PKHD1L1: variants seen among roughly 807,000 people sequenced by gnomAD.
PKHD1L1 encodes the protein fibrocystin-L.
PKHD1L1 carries 434 observed loss-of-function variants against 462.9 expected under a neutral mutation model. That is an observed-to-expected ratio of 0.94 (90% CI 0.87 to 1.02). The LOEUF is 1.02. PKHD1L1 is among the 50% of genes least tolerant of loss of function. The pLI is 0.00. For synonymous variants in PKHD1L1, 1,781 were observed against 1,750.0 expected, an observed-to-expected ratio of 1.02 and a Z score of -0.44; for missense variants, 5,202 against 5,096.1, an observed-to-expected ratio of 1.02 and a Z score of -0.63.
At position 109,504,327 on chromosome 8, in the gene PKHD1L1, G is replaced by T. The variant is rs1445313168; in HGVS notation, c.10829G>T (p.Gly3610Val). Residue 3610 changes from glycine to valine, a missense_variant and splice_region_variant, in exon 68 of 78, where the codon GGT (glycine) becomes GTT (valine). Physicochemically the swap from Gly to Val is moderately radical, Grantham distance 109 (BLOSUM62 -3). Coordinates refer to ENST00000378402, the MANE Select transcript of PKHD1L1 (RefSeq NM_177531.6). ...NAISGLLDISGSTFVGFKNVC... is the reference protein window; with the variant it reads ...NAISGLLDISVSTFVGFKNVC... Reference sequence around the variant, plus strand: ...CACTTATCTATTATTTATGTTTTAGGTTCAACATTTGTTGGATTTAAGAAT... The same window carrying T: ...CACTTATCTATTATTTATGTTTTAGTTTCAACATTTGTTGGATTTAAGAAT... The T allele has an allele frequency of 7.1e-7, 1 of 1,409,046 alleles. No homozygotes were observed. The highest frequency in any genetic ancestry group is 9.5e-7 in the Non-Finnish European group (1 of 1,049,138). 87.3% of individuals were successfully genotyped at this position (1,409,046 alleles called of 1,614,324 possible). A position where few individuals can be genotyped will look rare whatever the true frequency, so the allele number is the denominator to read the frequency against.
Position 109,421,302 on chromosome 8 carries a change from A to G in PKHD1L1, c.2697+612A>G, listed in dbSNP as rs552123444. Among the ~76,000 whole-genome samples the G allele has an allele frequency of 2.2e-3, 338 of 152,226 alleles. 1 individual carries two copies. Among genetic ancestry groups the G allele is most frequent in the South Asian group, 4.1e-3 (20 of 4,828 alleles). ...GATTAAATAATCATTAACCATTGTA[A>G]TTGGATTAGAGCCTCACAGAAAATT... On this transcript the variant is annotated intron_variant, in intron 23 of 77. Coordinates refer to ENST00000378402, the MANE Select transcript of PKHD1L1 (RefSeq NM_177531.6).
intron 21 of PKHD1L1, among the ~76,000 whole-genome samples, chr8:109,414,409 T>C (rs150518770): frequency 6.6e-6 from 1 of 152,164 alleles, no homozygotes; most frequent in Non-Finnish European, 1.5e-5. Flanking sequence ...CTCTCTACAA[T>C]TGTAGAAGTT....
At position 109,527,111 on chromosome 8, in the gene PKHD1L1, A is replaced by T. The variant is rs138966047; in HGVS notation, c.12721+91A>T. On this transcript the variant is annotated intron_variant, in intron 77 of 77. Transcript: ENST00000378402. ...GCTGTGTGCACAGCTCTTGTGCATGATATCACTGTGTGCACAAAGAGAAAG... is the reference window on the plus strand; with the variant it reads ...GCTGTGTGCACAGCTCTTGTGCATGTTATCACTGTGTGCACAAAGAGAAAG... 4.6e-4 allele frequency: 498 copies of T among 1,078,104 alleles called. 7 individuals are homozygous for T. In the East Asian group the frequency reaches 0.011, roughly 24 times the overall value. 66.8% of individuals were successfully genotyped at this position (1,078,104 alleles called of 1,614,324 possible). A position where few individuals can be genotyped will look rare whatever the true frequency, so the allele number is the denominator to read the frequency against.
rs1394413527 is a variant in PKHD1L1, at chr8:109,474,585, T to A, written c.8606-533T>A. Among the ~76,000 whole-genome samples the A allele has an allele frequency of 2.0e-5, 3 of 152,126 alleles. No individual in the cohort carries two copies. The South Asian group carries it at 6.2e-4, about 31-fold the overall frequency. On this transcript the variant is annotated intron_variant, in intron 50 of 77. Transcript: ENST00000378402. ...AAAGTCAAACAAAATTATTTACTAG[T>A]AAACATTAATATGTGTTGTACAGAT...
Position 109,534,667 on chromosome 8 carries a change from C to T in PKHD1L1, c.*4577C>T, listed in dbSNP as rs533425296. ...GATTTATTCCCCCAATTTCCCCTCCCCAGAGAGTAGCTACAGACACACTGT... is the reference window on the plus strand; with the variant it reads ...GATTTATTCCCCCAATTTCCCCTCCTCAGAGAGTAGCTACAGACACACTGT... On this transcript the variant is annotated 3_prime_UTR_variant, in exon 78 of 78. Coordinates refer to ENST00000378402, the MANE Select transcript of PKHD1L1 (RefSeq NM_177531.6). 3.0e-4 allele frequency among the ~76,000 whole-genome samples: 45 copies of T among 152,206 alleles called. No homozygotes were observed. The highest frequency in any genetic ancestry group is 1.1e-3 in the African/African-American group (45 of 41,544).
intron 20 of PKHD1L1, among the ~76,000 whole-genome samples, chr8:109,413,193 G>T (rs905496886): frequency 8.5e-5 from 13 of 152,052 alleles, no homozygotes; most frequent in African/African-American, 2.9e-4. Flanking sequence ...AAGAAATAGA[G>T]AATTATAATT....
At chr8:109,493,243 C>T (rs1229783156) in intron 62 of PKHD1L1, among the ~76,000 whole-genome samples, 1 of 148,082 alleles carries the variant, frequency 6.8e-6, no homozygotes, top group Non-Finnish European at 1.5e-5. Context: ...TTATATTAAA[C>T]ATATATAAAT....
At chr8:109,489,021 G>A (rs1270825409) in intron 59 of PKHD1L1, among the ~76,000 whole-genome samples, 2 of 151,840 alleles carry the variant, frequency 1.3e-5, no homozygotes, top group African/African-American at 2.4e-5. Flanking sequence ...GTTTTGTGAC[G>A]TGAGTAAAGA....
chr8:109,448,452 C>A (rs1305580015), intron 39 of PKHD1L1, 61 bp downstream of exon 39: 4 of 1,436,986 alleles, frequency 2.8e-6, no homozygotes, highest in Non-Finnish European at 3.7e-6. Context: ...TATTTAGAAA[C>A]CTTATTTAGA....
intron 62 of PKHD1L1, among the ~76,000 whole-genome samples, chr8:109,493,291 T>A (rs1314190512): frequency 2.0e-5 from 3 of 150,546 alleles, no homozygotes; most frequent in African/African-American, 7.3e-5. Context: ...TTTTCAGTGA[T>A]CACAACTTCC....
chr8:109,412,177 T>A (rs1813890102), intron 19 of PKHD1L1, 88 bp from the exon 20 acceptor site: 4 of 1,362,950 alleles, frequency 2.9e-6, no homozygotes. Context: ...GGGATCTGGG[T>A]TGAACCTTGA....
At chr8:109,419,575 C>T (rs865813327) in intron 22 of PKHD1L1, among the ~76,000 whole-genome samples, 3 of 152,232 alleles carry the variant, frequency 2.0e-5, no homozygotes, top group Non-Finnish European at 4.4e-5. Context: ...GAGAAACCAA[C>T]TACCATGAGA....
chr8:109,429,989 T>C lies in PKHD1L1; in HGVS notation c.3181T>C (p.Trp1061Arg), dbSNP rs747396587. 8 of 1,611,432 alleles carry C rather than the reference T, an allele frequency of 5.0e-6. No homozygotes were observed. The South Asian group carries it at 5.5e-5, about 11-fold the overall frequency. The part of the protein sequence containing the change: ...AKCSGDCGFT[W>R]DSNITPLVLA... ...ATGTTCAGGTGACTGTGGATTTACA[T>C]GGGATTCCAACATTACTCCCCTAGT... Residue 1061 changes from tryptophan (W) to arginine (R), a missense_variant, in exon 27 of 78, where the codon TGG becomes CGG. Physicochemically the swap from Trp to Arg is moderately radical, Grantham distance 101. Coordinates refer to ENST00000378402, the MANE Select transcript of PKHD1L1 (RefSeq NM_177531.6).
rs1189106748 is a variant in PKHD1L1 at position 109,523,503 on chromosome 8, A to G, written c.12484+117A>G. The G allele has an allele frequency of 7.8e-6, 8 of 1,025,458 alleles. No individual in the cohort carries two copies. In the African/African-American group the frequency reaches 8.1e-5, roughly 10 times the overall value. 63.5% of individuals were successfully genotyped at this position (1,025,458 alleles called of 1,614,324 possible). A position where few individuals can be genotyped will look rare whatever the true frequency, so the allele number is the denominator to read the frequency against. On this transcript the variant is annotated intron_variant, in intron 76 of 77. Transcript: ENST00000378402. ...TGGTCAATAAATTATAGACATCAGA[A>G]TGCTATATTTTGCCTTGTTTCAGAA...
At chr8:109,495,305 A>G (rs1563608729) in intron 63 of PKHD1L1, among the ~76,000 whole-genome samples, 1 of 152,130 alleles carries the variant, frequency 6.6e-6, no homozygotes, top group African/African-American at 2.4e-5. Flanking sequence ...ACTTCAATAA[A>G]GTTATCCTTA....
At chr8:109,487,145 C>A (rs1477310166) in intron 59 of PKHD1L1, among the ~76,000 whole-genome samples, 1 of 151,870 alleles carries the variant, frequency 6.6e-6, no homozygotes, top group Non-Finnish European at 1.5e-5. Context: ...AGGAAAATTT[C>A]AAGCATACAC....
intron 17 of PKHD1L1, 127 bp downstream of exon 17, chr8:109,406,605 T>G (rs936961056): frequency 9.1e-7 from 1 of 1,094,858 alleles, no homozygotes; most frequent in Non-Finnish European, 1.2e-6. Context: ...ATTAAATGGT[T>G]TTTTCTACGG....
At position 109,482,906 on chromosome 8, in the gene PKHD1L1, T is replaced by A. The variant is rs531408163; in HGVS notation, c.9458-81T>A. ...ATGTTTAATCACATAATAAAATATA[T>A]CAATGAACATTTTCATTTTATACTA... On this transcript the variant is annotated intron_variant, in intron 56 of 77. Coordinates refer to ENST00000378402, the MANE Select transcript of PKHD1L1 (RefSeq NM_177531.6). 118 of 776,510 alleles carry A rather than the reference T, an allele frequency of 1.5e-4. No individual in the cohort carries two copies. The East Asian group carries it at 3.7e-3, about 24-fold the overall frequency. 48.1% of individuals were successfully genotyped at this position (776,510 alleles called of 1,614,324 possible).
chr8:109,482,798 A>T (rs1818334758), intron 56 of PKHD1L1, among the ~76,000 whole-genome samples, 189 bp from the exon 57 acceptor site: 2 of 151,682 alleles, frequency 1.3e-5, no homozygotes, highest in South Asian at 4.2e-4. Context: ...TCTATGAGCC[A>T]GATTTCCGGA....
Sources: gnomAD v4.1 joint callset for allele counts (sites outside exome capture counted in the v4.1 genomes callset) on GRCh38, gnomAD v4.1.1 for gene constraint, MANE v1.5 for transcripts, NCBI Gene and HGNC (gene_info 2026-07-23, HGNC 2026-07-21) for gene names.